Variants in COL27A1 observed in about 807,000 individuals in gnomAD.
COL27A1 encodes the protein collagen alpha-1(XXVII) chain.
Under a neutral mutation model 251.3 loss-of-function variants are expected in COL27A1, and 106 were observed. The ratio of observed to expected loss-of-function variants is 0.42; its 90% confidence interval spans 0.36 to 0.50. The LOEUF (loss-of-function observed/expected upper bound fraction) is 0.50, where lower values mean the gene tolerates loss of function less well. Ranked by LOEUF, COL27A1 falls within the 20% of genes least tolerant of loss-of-function variation. COL27A1 has a pLI of 0.00. For missense variants in COL27A1, 2,325 were observed against 2,522.8 expected, an observed-to-expected ratio of 0.92 and a Z score of 1.68; for synonymous variants, 1,000 against 986.3, an observed-to-expected ratio of 1.01 and a Z score of -0.26.
At chr9:114,273,796 G>C (rs552282094) in intron 36 of COL27A1, 1 of 152,252 alleles carries the variant, frequency 6.6e-6, no homozygotes, top group Non-Finnish European at 1.5e-5. Context: ...CTCTGCTCAC[G>C]GTGATGAGGG....
chr9:114,258,637 G>T (rs751252374), intron 28 of COL27A1, 43 bp downstream of exon 28: 1 of 1,596,264 alleles, frequency 6.3e-7, no homozygotes, highest in Middle Eastern at 1.8e-4. Flanking sequence ...TGGTGGGAGG[G>T]GGCACACTTG....
At chr9:114,288,607 C>T (rs907384240) in intron 42 of COL27A1, 95 bp from the exon 43 acceptor site, 16 of 1,547,854 alleles carry the variant, frequency 1.0e-5, no homozygotes, top group African/African-American at 6.8e-5. Flanking sequence ...GGGCCAGGTC[C>T]CTGAGAGCTC....
chr9:114,199,062 C>T (rs1013886701), intron 7 of COL27A1, among the ~76,000 whole-genome samples: 2 of 152,164 alleles, frequency 1.3e-5, no homozygotes, highest in Non-Finnish European at 2.9e-5. Flanking sequence ...AGTCATTTTG[C>T]TAGTTTCCAG....
At chr9:114,212,506 G>A (rs1461688102) in intron 12 of COL27A1, among the ~76,000 whole-genome samples, 2 of 152,234 alleles carry the variant, frequency 1.3e-5, no homozygotes, top group Non-Finnish European at 2.9e-5. Context: ...TTAAATGAAG[G>A]TTAGGTAGTG....
chr9:114,189,286 A>G (rs1327486005), intron 5 of COL27A1, among the ~76,000 whole-genome samples: 1 of 152,224 alleles, frequency 6.6e-6, no homozygotes, highest in Non-Finnish European at 1.5e-5. Flanking sequence ...CTCCTCCAAC[A>G]GTTAACCACT....
In COL27A1 at chr9:114,237,897, T is replaced by TG. The variant is rs1256096322; in HGVS notation, c.2727+182_2727+183insG. On this transcript the variant is annotated intron_variant, in intron 19 of 60. Coordinates refer to ENST00000356083, the MANE Select transcript of COL27A1 (RefSeq NM_032888.4). Reference sequence around the variant, plus strand: ...ATTTTCCCCTTCTGCTCTTCTGCTCTTACTCAGGGGCTCTCAAAAGTCAAC... The same window carrying TG: ...ATTTTCCCCTTCTGCTCTTCTGCTCTGTACTCAGGGGCTCTCAAAAGTCAAC... Among the ~76,000 whole-genome samples, 4 of 152,346 alleles carry TG rather than the reference T, an allele frequency of 2.6e-5. No individual in the cohort carries two copies. The East Asian group carries it at 7.7e-4, about 29-fold the overall frequency.
rs557871638 is a variant in COL27A1, at chr9:114,294,818, T to A, written c.4584+2608T>A. On this transcript the variant is annotated intron_variant, in intron 49 of 60. Transcript: ENST00000356083. ...TGTTCTCACCACTTCTATTCAACAT[T>A]GTACTGGCAATTCTAGCCAGTGCAA... 1.2e-4 allele frequency among the ~76,000 whole-genome samples: 18 copies of A among 152,344 alleles called. No individual in the cohort carries two copies. The South Asian group carries it at 3.7e-3, about 32-fold the overall frequency.
chr9:114,170,780 G>C lies in COL27A1; in HGVS notation c.1908+1317G>C, dbSNP rs189948310. 7.2e-5 allele frequency among the ~76,000 whole-genome samples: 11 copies of C among 152,346 alleles called. No individual in the cohort carries two copies. The East Asian group carries it at 2.1e-3, about 29-fold the overall frequency. On this transcript the variant is annotated intron_variant, in intron 3 of 60. Coordinates refer to ENST00000356083, the MANE Select transcript of COL27A1 (RefSeq NM_032888.4). ...GCCACCACTTTCTTGTGGAAAGAACGAGGAACCCTTTTCACCTCTCCAGCC... is the reference window on the plus strand; with the variant it reads ...GCCACCACTTTCTTGTGGAAAGAACCAGGAACCCTTTTCACCTCTCCAGCC...
chr9:114,270,128 T>A (rs1426501800), intron 35 of COL27A1, among the ~76,000 whole-genome samples: 1 of 152,306 alleles, frequency 6.6e-6, no homozygotes, highest in Non-Finnish European at 1.5e-5. Flanking sequence ...AGGAGTTCCA[T>A]GCAGGCTTAC....
intron 37 of COL27A1, among the ~76,000 whole-genome samples, chr9:114,280,209 A>ATTTTT (rs112978442): frequency 2.0e-5 from 3 of 146,914 alleles, no homozygotes; most frequent in Non-Finnish European, 4.5e-5. Flanking sequence ...TCAACTTTTA[A>ATTTTT]TTTTTTTTTT....
chr9:114,156,504 T>G (rs1848131145), intron 1 of COL27A1, among the ~76,000 whole-genome samples: 1 of 152,088 alleles, frequency 6.6e-6, no homozygotes, highest in African/African-American at 2.4e-5. Flanking sequence ...TCTCCGTGTC[T>G]GTGTGGCTCT....
At chr9:114,187,589 C>A (rs1458512975) in intron 5 of COL27A1, among the ~76,000 whole-genome samples, 1 of 152,252 alleles carries the variant, frequency 6.6e-6, no homozygotes, top group Non-Finnish European at 1.5e-5. Context: ...GTCAATCTAG[C>A]CCTCAGCTCC....
chr9:114,166,241 ATCCATCCATCCATCTG>A (rs1158123267), intron 2 of COL27A1, among the ~76,000 whole-genome samples: 1 of 146,240 alleles, frequency 6.8e-6, no homozygotes, highest in Non-Finnish European at 1.5e-5. Flanking sequence ...CCATTCATTT[ATCCATCCATCCATCTG>A]TCCATCCATC....
At position 114,294,247 on chromosome 9, in the gene COL27A1, C is replaced by CAA. The variant is rs58536000; in HGVS notation, c.4584+2058_4584+2059dup. Among the ~76,000 whole-genome samples the CAA allele has an allele frequency of 4.7e-3, 395 of 84,116 alleles. 5 individuals are homozygous for CAA. Among genetic ancestry groups the CAA allele is most frequent in the African/African-American group, 0.015 (321 of 20,794 alleles). The allele number at this position is 84,116 out of a possible 152,430, so 55.2% of individuals were successfully genotyped here. On this transcript the variant is annotated intron_variant, in intron 49 of 60. Coordinates refer to ENST00000356083, the MANE Select transcript of COL27A1 (RefSeq NM_032888.4). The stretch of plus-strand genomic sequence containing the variant: ...TGGGCGACAGGGAGAGACTCTGTCT[C>CAA]AAAAAAAAAAAAAAAAAAAAAAGAA...
Position 114,169,457 on chromosome 9 carries a change from C to T in COL27A1, c.1902C>T (p.Gly634=), listed in dbSNP as rs2808771. ...MGPPGPKGDC[G]LPGPPGLPGL... ...CTCCGGGACCCAAGGGAGACTGTGG[C>T]TTGCCGGTAAGACTGAGTGGGGTCT... Residue 634 remains glycine, a synonymous_variant, in exon 3 of 61, where the codon GGC becomes GGT. Coordinates refer to ENST00000356083, the MANE Select transcript of COL27A1 (RefSeq NM_032888.4). 390,848 of 1,528,202 alleles carry T rather than the reference C, an allele frequency of 0.26. 52,128 individuals carry two copies. Among genetic ancestry groups the T allele is most frequent in the Middle Eastern group, 0.33 (1,852 of 5,670 alleles). 94.7% of individuals were successfully genotyped at this position (1,528,202 alleles called of 1,614,324 possible).
chr9:114,287,384 A>G (rs894291304), intron 41 of COL27A1, among the ~76,000 whole-genome samples: 3 of 151,996 alleles, frequency 2.0e-5, no homozygotes, highest in African/African-American at 7.3e-5. Flanking sequence ...AGATTCTGCC[A>G]TTTGCCGTTC....
chr9:114,219,713 CT>C (rs1232896086), intron 12 of COL27A1, 77 bp from the exon 13 acceptor site: 10 of 1,015,322 alleles, frequency 9.8e-6, no homozygotes, highest in Admixed American at 1.7e-5. Flanking sequence ...TGTGTCCCCC[CT>C]GGGGGTCTGG....
In COL27A1 at chr9:114,191,766, A is replaced by G. The variant is rs974836930; in HGVS notation, c.2017-2638A>G. Among the ~76,000 whole-genome samples the G allele has an allele frequency of 2.6e-5, 4 of 152,204 alleles. No homozygotes were observed. The East Asian group carries it at 7.7e-4, about 29-fold the overall frequency. ...CTTTGTAATAGAATGACTAAATCCA[A>G]CTTTCTAATTGTATGACCTTGGACA... On this transcript the variant is annotated intron_variant, in intron 5 of 60. Coordinates refer to ENST00000356083, the MANE Select transcript of COL27A1 (RefSeq NM_032888.4).
chr9:114,207,330 G>A (rs1830038063), intron 10 of COL27A1, among the ~76,000 whole-genome samples: 1 of 152,140 alleles, frequency 6.6e-6, no homozygotes, highest in Non-Finnish European at 1.5e-5. Flanking sequence ...CATTCCCCAG[G>A]AGGTTACTGT....
Sources: allele counts gnomAD v4.1 joint callset (sites outside exome capture counted in the v4.1 genomes callset), GRCh38; gene constraint gnomAD v4.1.1; transcripts MANE v1.5; gene names NCBI Gene and HGNC (gene_info 2026-07-23, HGNC 2026-07-21).